The following SACS variants were observed in gnomAD, a reference collection of about 807,000 sequenced individuals.
The protein encoded by SACS is sacsin.
SACS carries 197 observed loss-of-function variants against 348.0 expected under a neutral mutation model. That is an observed-to-expected ratio of 0.57 (90% CI 0.50 to 0.64). The LOEUF is 0.64. Among genes scored for constraint, SACS ranks in the 30% least tolerant of loss-of-function variants. The probability of loss-of-function intolerance (pLI) is 0.00; values close to 1 mark genes in which losing one functional copy is unlikely to be tolerated. For synonymous variants in SACS, 1,985 were observed against 1,910.6 expected (o/e 1.04, Z -1.02); for missense variants, 4,999 against 5,360.8 (o/e 0.93, Z 2.11).
At chr13:23,346,489 G>C (rs1187356371) in intron 9 of SACS, among the ~76,000 whole-genome samples, 1 of 152,066 alleles carries the variant, frequency 6.6e-6, no homozygotes, top group Non-Finnish European at 1.5e-5. Context: ...TCGTATAATA[G>C]AGGTGCATTC....
At chr13:23,356,408 G>A (rs1288343430) in intron 7 of SACS, among the ~76,000 whole-genome samples, 1 of 152,228 alleles carries the variant, frequency 6.6e-6, no homozygotes, top group Non-Finnish European at 1.5e-5. Context: ...GAGACAGAGA[G>A]CAGTACAATG....
rs186436335 is a variant in SACS at position 23,335,631 on chromosome 13, T to C, written c.8245A>G (p.Ile2749Val). 2.8e-4 allele frequency: 453 copies of C among 1,613,960 alleles called. 1 individual carries two copies. The highest frequency in any genetic ancestry group is 3.4e-4 in the Non-Finnish European group (396 of 1,179,886). The change falls in exon 10 of 10, where the codon ATT becomes GTT. Residue 2749 changes from isoleucine to valine, a missense_variant. By Grantham distance (29) the Ile-to-Val change is conservative. This residue lies in a region of SACS where 3,156 missense variants were observed against 3,380.1 expected (regional missense o/e 0.93). Coordinates refer to ENST00000382292, the MANE Select transcript of SACS (RefSeq NM_014363.6). The surrounding 1 kb of genome is among the most constrained non-coding windows in gnomAD (Gnocchi z 4.7). ...MFLNHMEKISICEIDKSTGAL... is the reference protein window; with the variant it reads ...MFLNHMEKISVCEIDKSTGAL... ...CCAGTACTCTTATCTATTTCACAAATAGAAATTTTTTCCATGTGATTAAGA... is the reference window on the plus strand; with the variant it reads ...CCAGTACTCTTATCTATTTCACAAACAGAAATTTTTTCCATGTGATTAAGA...
chr13:23,339,188 A>G lies in SACS; in HGVS notation c.4688T>C (p.Val1563Ala), dbSNP rs757726282. ...GATGGGAATGTCAGTGATATGGTAC[A>G]CAGAATTAAATCCAAGACCAAATTT... ...VGKFGLGFNS[V>A]YHITDIPIIM... Residue 1563 changes from valine to alanine, a missense_variant, in exon 10 of 10, where the codon GTG (valine) becomes GCG (alanine). Val to Ala is a moderately conservative substitution (Grantham distance 64). Around this residue, in one of 6 missense-constraint regions of SACS, gnomAD observed 3,156 missense variants for 3,380.1 expected, o/e 0.93. Transcript: ENST00000382292. The G allele has an allele frequency of 6.2e-7, 1 of 1,613,092 alleles. No individual in the cohort carries two copies. Among genetic ancestry groups the G allele is most frequent in the South Asian group, 1.1e-5 (1 of 90,788 alleles).
Position 23,329,195 on chromosome 13 carries a change from T to G in SACS, c.*941A>C, listed in dbSNP as rs1171534794. On this transcript the variant is annotated 3_prime_UTR_variant, in exon 10 of 10. Coordinates refer to ENST00000382292, the MANE Select transcript of SACS (RefSeq NM_014363.6). ...TAGATAACACAATGATTTTAACAAT[T>G]TTTGATGTTTTTAAAGTTAAAAAAA... The G allele has an allele frequency of 2.3e-6, 1 of 444,346 alleles. No homozygotes were observed. Among genetic ancestry groups the G allele is most frequent in the African/African-American group, 2.1e-5 (1 of 48,642 alleles). The allele number at this position is 444,346 out of a possible 1,614,324, so 27.5% of individuals were successfully genotyped here.
At chr13:23,354,048 G>A (rs1337585773) in intron 8 of SACS, among the ~76,000 whole-genome samples, 172 bp from the exon 9 acceptor site, 2 of 152,154 alleles carry the variant, frequency 1.3e-5, no homozygotes, top group Non-Finnish European at 2.9e-5. Context: ...TCTAGACTTT[G>A]CTTTAAAACG....
intron 4 of SACS, 81 bp from the exon 5 acceptor site, chr13:23,368,568 A>G (rs899159596): frequency 1.1e-6 from 1 of 942,142 alleles, no homozygotes; most frequent in South Asian, 1.4e-5. Flanking sequence ...AATCTGAGAC[A>G]TCATATAACT....
At chr13:23,416,900 A>C (rs114791084) in intron 1 of SACS, among the ~76,000 whole-genome samples, 1,675 of 152,266 alleles carry the variant, frequency 0.011, 33 homozygotes, top group African/African-American at 0.039. Flanking sequence ...CAGAAAAAAC[A>C]AAGAGGAACA....
intron 2 of SACS, among the ~76,000 whole-genome samples, chr13:23,403,559 T>G (rs1252224811): frequency 6.6e-6 from 1 of 152,240 alleles, no homozygotes; most frequent in African/African-American, 2.4e-5. Flanking sequence ...TAGTATTCTC[T>G]GATGGTAGTC....
At chr13:23,418,530 G>T (rs1466767215) in intron 1 of SACS, among the ~76,000 whole-genome samples, 2 of 151,734 alleles carry the variant, frequency 1.3e-5, no homozygotes, top group African/African-American at 4.8e-5. Flanking sequence ...TACCTTACAT[G>T]GAGTCTTGCT....
chr13:23,357,442 G>A (rs1010074704), intron 7 of SACS, among the ~76,000 whole-genome samples: 2 of 152,216 alleles, frequency 1.3e-5, no homozygotes, highest in Admixed American at 1.3e-4. Context: ...TTTGGCTAGA[G>A]TTGGGATGAC....
chr13:23,345,688 C>T (rs764503969), intron 9 of SACS, among the ~76,000 whole-genome samples: 1 of 152,086 alleles, frequency 6.6e-6, no homozygotes. Flanking sequence ...TGATAAACCA[C>T]TTTTAATATA....
At chr13:23,420,968 C>T (rs1593183352) in intron 1 of SACS, among the ~76,000 whole-genome samples, 2 of 152,168 alleles carry the variant, frequency 1.3e-5, no homozygotes, top group South Asian at 4.1e-4. Context: ...TGGTGTCCAC[C>T]AGGAGCCTAA....
chr13:23,333,812 A>C lies in SACS; in HGVS notation c.10064T>G (p.Ile3355Arg), dbSNP rs372488932. The change falls in exon 10 of 10, where the codon ATA becomes AGA. Residue 3355 changes from isoleucine (I) to arginine (R), a missense_variant. Transcript: ENST00000382292. The part of the protein sequence containing the change: ...VPLLSCHTAN[I>R]ESPTSILKAL... ...CTTCAAGATGCTTGTGGGGCTCTCTATATTTGCTGTGTGACATGACAACAA... is the reference window on the plus strand; with the variant it reads ...CTTCAAGATGCTTGTGGGGCTCTCTCTATTTGCTGTGTGACATGACAACAA... 5 of 1,613,856 alleles carry C rather than the reference A, an allele frequency of 3.1e-6. No individual in the cohort carries two copies. The highest frequency in any genetic ancestry group is 4.2e-6 in the Non-Finnish European group (5 of 1,179,838).
intron 7 of SACS, among the ~76,000 whole-genome samples, chr13:23,357,115 C>T (rs1870442406): frequency 6.6e-6 from 1 of 152,198 alleles, no homozygotes; most frequent in South Asian, 2.1e-4. Flanking sequence ...CACAAATGTG[C>T]TTATTCTCAA....
chr13:23,353,468 G>C (rs1314225936), intron 9 of SACS, among the ~76,000 whole-genome samples: 4 of 152,138 alleles, frequency 2.6e-5, no homozygotes, highest in African/African-American at 9.7e-5. Context: ...CAAGCTACAA[G>C]TTATGCTGGG....
Position 23,358,497 on chromosome 13 carries a change from C to T in SACS, c.458-16G>A, listed in dbSNP as rs756008524. 69 of 1,613,646 alleles carry T rather than the reference C, an allele frequency of 4.3e-5. No homozygotes were observed. Among genetic ancestry groups the T allele is most frequent in the Non-Finnish European group, 5.3e-5 (63 of 1,179,952 alleles). On this transcript the variant is annotated splice_polypyrimidine_tract_variant and intron_variant, in intron 6 of 9. Transcript: ENST00000382292. ...AGAGCTGGCCCTAGGTGTGAAAATG[C>T]GCAGGCAGGAATTCAAAAAAGATAC...
Position 23,341,124 on chromosome 13 carries a change from T to C in SACS, c.2752A>G (p.Lys918Glu). 6.2e-7 allele frequency: 1 copy of C among 1,613,516 alleles called. No homozygotes were observed. The highest frequency in any genetic ancestry group is 8.5e-7 in the Non-Finnish European group (1 of 1,179,966). The change falls in exon 10 of 10, where the codon AAA becomes GAA. Residue 918 changes from lysine to glutamate, a missense_variant. This residue lies in a region of SACS where 3,156 missense variants were observed against 3,380.1 expected (regional missense o/e 0.93). Transcript: ENST00000382292. Reference sequence around the variant, plus strand: ...ATTGCCAATTCTTGAATAATTCTTTTCTCTTTCTCACTGCTATCGGTTAAA... The same window carrying C: ...ATTGCCAATTCTTGAATAATTCTTTCCTCTTTCTCACTGCTATCGGTTAAA... ...ASLTDSSEKE[K>E]RIIQELAIFK...
At chr13:23,412,122 G>A (rs1372221993) in intron 1 of SACS, among the ~76,000 whole-genome samples, 1 of 152,112 alleles carries the variant, frequency 6.6e-6, no homozygotes, top group African/African-American at 2.4e-5. Context: ...AGCCGGGCGT[G>A]GTGGCGGGCG....
chr13:23,375,489 A>T, intron 2 of SACS: 1 of 1,145,006 alleles, frequency 8.7e-7, no homozygotes, highest in Non-Finnish European at 1.1e-6. Context: ...TCCCGTACGC[A>T]GCAGCCCGCG....
Sources: allele counts gnomAD v4.1 joint callset (sites outside exome capture counted in the v4.1 genomes callset), GRCh38; gene constraint gnomAD v4.1.1; regional missense constraint gnomAD v4.1.1; non-coding constraint Gnocchi (gnomAD v3.1); transcripts MANE v1.5; gene names NCBI Gene and HGNC (gene_info 2026-07-23, HGNC 2026-07-21).